The following NINL variants were observed in gnomAD, a reference collection of about 807,000 sequenced individuals.
NINL encodes ninein like.
A neutral mutation model predicts 160.3 loss-of-function variants in NINL; 153 were observed. That is an observed-to-expected ratio of 0.95 (90% CI 0.84 to 1.09). NINL has a LOEUF of 1.09. Among genes scored for constraint, NINL ranks in the 50% least tolerant of loss-of-function variants. NINL has a pLI of 0.00. For missense variants in NINL, 1,829 were observed against 1,764.0 expected, an observed-to-expected ratio of 1.04 and a Z score of -0.66; for synonymous variants, 800 against 734.8, an observed-to-expected ratio of 1.09 and a Z score of -1.43.
At chr20:25,539,931 C>G (rs1193361189) in intron 1 of NINL, 4 of 739,566 alleles carry the variant, frequency 5.4e-6, no homozygotes, top group Non-Finnish European at 8.1e-6. Flanking sequence ...ACTGCACACC[C>G]CTGCGGGTTC....
Position 25,500,822 on chromosome 20 carries a change from C to T in NINL, c.1032+18G>A, listed in dbSNP as rs908416128. 6.2e-7 allele frequency: 1 copy of T among 1,609,566 alleles called. No homozygotes were observed. The highest frequency in any genetic ancestry group is 8.5e-7 in the Non-Finnish European group (1 of 1,177,658). On this transcript the variant is annotated intron_variant, in intron 8 of 23. Coordinates refer to ENST00000278886, the MANE Select transcript of NINL (RefSeq NM_025176.6). Reference sequence around the variant, plus strand: ...CCCCAGGTCCCCTGTCCAGCTTAGGCATCACCCAGTTCCAAACCTGCAAGA... The same window carrying T: ...CCCCAGGTCCCCTGTCCAGCTTAGGTATCACCCAGTTCCAAACCTGCAAGA...
Position 25,517,508 on chromosome 20 carries a change from C to T in NINL, c.277+245G>A, listed in dbSNP as rs574768322. Among the ~76,000 whole-genome samples the T allele has an allele frequency of 2.6e-5, 4 of 152,356 alleles. No individual in the cohort carries two copies. In the South Asian group the frequency reaches 8.3e-4, roughly 32 times the overall value. On this transcript the variant is annotated intron_variant, in intron 3 of 23. Coordinates refer to ENST00000278886, the MANE Select transcript of NINL (RefSeq NM_025176.6). ...CCTGTAACAGGATTCCGATCAGTCA[C>T]ATTAGCACAGTGCAGTGTCATCATC...
intron 1 of NINL, among the ~76,000 whole-genome samples, chr20:25,557,856 C>CA (rs1208947597): frequency 6.6e-6 from 1 of 151,810 alleles, no homozygotes; most frequent in Non-Finnish European, 1.5e-5. Flanking sequence ...GGGCTGGGCG[C>CA]AGTGGCTCAC....
intron 5 of NINL, among the ~76,000 whole-genome samples, chr20:25,506,728 C>CA (rs2063969465): frequency 6.6e-6 from 1 of 152,224 alleles, no homozygotes; most frequent in African/African-American, 2.4e-5. Context: ...ACAACGGTCC[C>CA]ATGGACACTG....
chr20:25,480,385 TGAG>T, intron 14 of NINL, 118 bp from the exon 15 acceptor site: 3 of 720,248 alleles, frequency 4.2e-6, no homozygotes, highest in South Asian at 3.2e-5. Flanking sequence ...GTGCTGGCTG[TGAG>T]GATGACGCTG....
At chr20:25,461,766 C>T (rs1412106610) in intron 20 of NINL, 131 bp from the exon 21 acceptor site, 1 of 632,248 alleles carries the variant, frequency 1.6e-6, no homozygotes, top group Non-Finnish European at 2.8e-6. Context: ...AACCCACCAA[C>T]CAAGGCCGGC....
intron 1 of NINL, among the ~76,000 whole-genome samples, chr20:25,532,553 G>A (rs1490721293): frequency 6.6e-6 from 1 of 152,226 alleles, no homozygotes; most frequent in Non-Finnish European, 1.5e-5. Context: ...TCTCAAGGCT[G>A]CACTGAGCCT....
intron 19 of NINL, 109 bp from the exon 20 acceptor site, chr20:25,462,650 T>G: frequency 1.1e-6 from 1 of 881,222 alleles, no homozygotes; most frequent in Non-Finnish European, 1.7e-6. Flanking sequence ...TCATTTGTTT[T>G]GTTTTGTTTT....
At chr20:25,506,126 A>T (rs1316196631) in intron 5 of NINL, among the ~76,000 whole-genome samples, 1 of 152,102 alleles carries the variant, frequency 6.6e-6, no homozygotes. Flanking sequence ...GCCGGGTGTG[A>T]TGGCAGCCGC....
At chr20:25,585,075 G>A (rs1371526081) in intron 1 of NINL, among the ~76,000 whole-genome samples, 5 of 152,170 alleles carry the variant, frequency 3.3e-5, no homozygotes, top group Admixed American at 6.5e-5. Context: ...GCAGGCGGCG[G>A]GCACCGCGTA....
intron 1 of NINL, among the ~76,000 whole-genome samples, chr20:25,561,953 G>A (rs577305043): frequency 5.4e-4 from 78 of 145,174 alleles, no homozygotes; most frequent in African/African-American, 1.9e-3. Flanking sequence ...GAGGTGGGGG[G>A]TCAGCCCCCC....
intron 10 of NINL, among the ~76,000 whole-genome samples, chr20:25,493,875 T>A (rs1434325388): frequency 6.6e-6 from 1 of 152,120 alleles, no homozygotes; most frequent in African/African-American, 2.4e-5. Context: ...AGCCACTGCC[T>A]GCACCTGTCC....
intron 1 of NINL, among the ~76,000 whole-genome samples, chr20:25,561,271 G>A (rs1157039968): frequency 3.3e-5 from 5 of 152,166 alleles, no homozygotes; most frequent in East Asian, 1.9e-4. Flanking sequence ...GCTCCTAAGC[G>A]CGAGTGATCC....
intron 3 of NINL, 152 bp downstream of exon 3, chr20:25,517,601 C>A: frequency 1.6e-6 from 1 of 612,326 alleles, no homozygotes; most frequent in East Asian, 2.9e-5. Flanking sequence ...GAGAAAACAT[C>A]AAGTGTTTTT....
intron 1 of NINL, among the ~76,000 whole-genome samples, chr20:25,541,070 C>T (rs1183066618): frequency 1.3e-5 from 2 of 151,978 alleles, no homozygotes; most frequent in Non-Finnish European, 2.9e-5. Flanking sequence ...CTAAAAACTA[C>T]AAAGATACCA....
intron 10 of NINL, among the ~76,000 whole-genome samples, chr20:25,491,797 C>T (rs1457447569): frequency 6.6e-6 from 1 of 152,244 alleles, no homozygotes; most frequent in Non-Finnish European, 1.5e-5. Context: ...AGGAGCACAG[C>T]TCCCTGGGGT....
At chr20:25,540,469 C>T (rs186190882) in intron 1 of NINL, among the ~76,000 whole-genome samples, 3 of 152,102 alleles carry the variant, frequency 2.0e-5, no homozygotes, top group Non-Finnish European at 2.9e-5. Context: ...TGCACAGTGA[C>T]GAGGGAATTT....
intron 1 of NINL, among the ~76,000 whole-genome samples, chr20:25,571,406 G>A (rs1251400226): frequency 1.3e-5 from 2 of 152,164 alleles, no homozygotes; most frequent in East Asian, 1.9e-4. Context: ...AGCACTCCTC[G>A]AAGGAGCCTG....
intron 1 of NINL, among the ~76,000 whole-genome samples, chr20:25,537,421 G>A (rs1457620522): frequency 6.6e-6 from 1 of 152,180 alleles, no homozygotes; most frequent in African/African-American, 2.4e-5. Context: ...TATGTTATTT[G>A]ACGAAACAAA....
Sources: allele counts gnomAD v4.1 joint callset (sites outside exome capture counted in the v4.1 genomes callset), GRCh38; gene constraint gnomAD v4.1.1; transcripts MANE v1.5; gene names NCBI Gene and HGNC (gene_info 2026-07-23, HGNC 2026-07-21).